Variants in CACNA2D1 observed in about 807,000 individuals in gnomAD.
The protein encoded by CACNA2D1 is calcium voltage-gated channel auxiliary subunit alpha2delta 1, also known as voltage-dependent calcium channel subunit alpha-2/delta-1.
Under a neutral mutation model 171.5 loss-of-function variants are expected in CACNA2D1, and 53 were observed. That is an observed-to-expected ratio of 0.31 (90% CI 0.25 to 0.39). The LOEUF is 0.39. Among genes scored for constraint, CACNA2D1 ranks in the 10% least tolerant of loss-of-function variants. The pLI is 1.00. For missense variants in CACNA2D1, 903 were observed against 1,299.8 expected (o/e 0.69, Z 4.69); for synonymous variants, 442 against 443.1 (o/e 1.00, Z 0.03).
intron 32 of CACNA2D1, among the ~76,000 whole-genome samples, chr7:81,964,771 A>G (rs1283057141): frequency 1.3e-5 from 2 of 151,954 alleles, no homozygotes; most frequent in Non-Finnish European, 2.9e-5. Context: ...GTTGTCTACC[A>G]GAAATTTGAT....
rs146819424 is a variant in CACNA2D1, at chr7:82,084,776, A to G, written c.651T>C (p.Tyr217=). The change falls in exon 7 of 39, where the codon TAT becomes TAC. Residue 217 remains tyrosine, a synonymous_variant. Transcript: ENST00000356860. Reference sequence around the variant, plus strand: ...GAATCACTAAGCACCTACCTGGATAATATCGAGCTAGGCCAGTGGCACTGC... The same window carrying G: ...GAATCACTAAGCACCTACCTGGATAGTATCGAGCTAGGCCAGTGGCACTGC... ...VFGSATGLAR[Y]YPASPWVDNS... is the part of the protein sequence containing the mutation. 706 of 1,613,902 alleles carry G rather than the reference A, an allele frequency of 4.4e-4. 2 individuals carry two copies. The highest frequency in any genetic ancestry group is 3.6e-4 in the Non-Finnish European group (430 of 1,179,892).
chr7:82,104,237 T>C (rs1358132975), intron 6 of CACNA2D1, among the ~76,000 whole-genome samples: 3 of 152,056 alleles, frequency 2.0e-5, no homozygotes, highest in South Asian at 2.1e-4. Context: ...AAGAGGATGT[T>C]TATATGTACA....
At chr7:82,154,980 C>G (rs1326734531) in intron 4 of CACNA2D1, among the ~76,000 whole-genome samples, 1 of 152,022 alleles carries the variant, frequency 6.6e-6, no homozygotes, top group African/African-American at 2.4e-5. Flanking sequence ...TGGTTCAGCA[C>G]CATCTCCTTG....
chr7:82,340,063 A>C (rs1483400867), intron 2 of CACNA2D1, among the ~76,000 whole-genome samples: 1 of 152,230 alleles, frequency 6.6e-6, no homozygotes, highest in Non-Finnish European at 1.5e-5. Context: ...AGGAGAAATG[A>C]GCCACAGAAA....
chr7:81,980,327 C>T (rs770234397), intron 24 of CACNA2D1, among the ~76,000 whole-genome samples: 14 of 151,848 alleles, frequency 9.2e-5, no homozygotes, highest in Non-Finnish European at 8.8e-5. Context: ...TTCTATGACA[C>T]GACTACTCAA....
chr7:82,316,898 C>T (rs566100977), intron 3 of CACNA2D1, among the ~76,000 whole-genome samples: 2 of 152,252 alleles, frequency 1.3e-5, no homozygotes, highest in East Asian at 3.9e-4. Flanking sequence ...TCAATTATTT[C>T]CACCTGGCCT....
chr7:82,235,358 T>C (rs1030699723), intron 3 of CACNA2D1, among the ~76,000 whole-genome samples: 1 of 152,168 alleles, frequency 6.6e-6, no homozygotes, highest in East Asian at 1.9e-4. Flanking sequence ...CCTGTGTTAA[T>C]ACTTTAGTGC....
intron 12 of CACNA2D1, among the ~76,000 whole-genome samples, chr7:82,025,161 T>C (rs10274918): frequency 0.2 from 30,141 of 151,546 alleles, 3,294 homozygotes; most frequent in African/African-American, 0.3. Flanking sequence ...TTTTAGAATT[T>C]TTTTCTATTT....
chr7:82,151,949 C>A (rs1365558253), intron 4 of CACNA2D1, among the ~76,000 whole-genome samples: 1 of 151,960 alleles, frequency 6.6e-6, no homozygotes, highest in Non-Finnish European at 1.5e-5. Context: ...GGTATTTTTT[C>A]CTCCAACATG....
At chr7:81,997,357 T>C in intron 18 of CACNA2D1, 107 bp from the exon 19 acceptor site, 2 of 700,686 alleles carry the variant, frequency 2.9e-6, no homozygotes, top group Middle Eastern at 2.6e-4. Context: ...TTACCTAGGA[T>C]ACAATAATTG....
At chr7:81,970,353 A>C (rs982894204) in intron 27 of CACNA2D1, among the ~76,000 whole-genome samples, 1 of 151,428 alleles carries the variant, frequency 6.6e-6, no homozygotes, top group Non-Finnish European at 1.5e-5. Flanking sequence ...AAAGTGCTAC[A>C]TAAATATTGC....
At chr7:82,056,405 A>G (rs1331815357) in intron 10 of CACNA2D1, among the ~76,000 whole-genome samples, 1 of 152,136 alleles carries the variant, frequency 6.6e-6, no homozygotes, top group Non-Finnish European at 1.5e-5. Context: ...GTTTTGCATC[A>G]ATGTGTGCTA....
At chr7:82,236,273 C>G (rs767123657) in intron 3 of CACNA2D1, among the ~76,000 whole-genome samples, 2 of 152,022 alleles carry the variant, frequency 1.3e-5, no homozygotes, top group Non-Finnish European at 2.9e-5. Context: ...TTTTAAAAGC[C>G]TTTGGATCCA....
At chr7:82,285,512 A>T (rs1312429029) in intron 3 of CACNA2D1, among the ~76,000 whole-genome samples, 3 of 152,128 alleles carry the variant, frequency 2.0e-5, no homozygotes, top group South Asian at 2.1e-4. Context: ...AACTGTTATA[A>T]AAAAAGTAAA....
chr7:82,003,016 A>G (rs1172892963), intron 18 of CACNA2D1, among the ~76,000 whole-genome samples: 1 of 152,124 alleles, frequency 6.6e-6, no homozygotes, highest in Non-Finnish European at 1.5e-5. Flanking sequence ...TTTTGTTAGT[A>G]TACTGTTACC....
intron 25 of CACNA2D1, 49 bp from the exon 26 acceptor site, chr7:81,971,913 A>G (rs1795322498): frequency 8.7e-7 from 1 of 1,153,504 alleles, no homozygotes; most frequent in Non-Finnish European, 1.3e-6. Context: ...TAAAATTATG[A>G]TCATAATGAA....
At chr7:81,966,220 G>A (rs1263986243) in intron 31 of CACNA2D1, among the ~76,000 whole-genome samples, 2 of 151,276 alleles carry the variant, frequency 1.3e-5, no homozygotes, top group Non-Finnish European at 3.0e-5. Context: ...ACTTCACCCT[G>A]AAACACAGGA....
Position 82,108,383 on chromosome 7 carries a change from C to T in CACNA2D1, c.526+8661G>A, listed in dbSNP as rs540915887. ...TCAATGAAAGAGAAGGATTCCTCTT[C>T]ATCGTAGAAGGCCACCAACCCTTTC... On this transcript the variant is annotated intron_variant, in intron 6 of 38. Coordinates refer to ENST00000356860, the MANE Select transcript of CACNA2D1 (RefSeq NM_000722.4). 7.2e-5 allele frequency among the ~76,000 whole-genome samples: 11 copies of T among 152,232 alleles called. No homozygotes were observed. In the East Asian group the frequency reaches 1.9e-3, roughly 27 times the overall value.
At chr7:82,382,175 T>C (rs763337995) in intron 1 of CACNA2D1, among the ~76,000 whole-genome samples, 1 of 152,210 alleles carries the variant, frequency 6.6e-6, no homozygotes, top group Non-Finnish European at 1.5e-5. Flanking sequence ...GAAAGGATTA[T>C]GATAAATAAC....
Sources: allele counts gnomAD v4.1 joint callset (sites outside exome capture counted in the v4.1 genomes callset), GRCh38; gene constraint gnomAD v4.1.1; transcripts MANE v1.5; gene names NCBI Gene and HGNC (gene_info 2026-07-23, HGNC 2026-07-21).